PAQR3: variants seen among roughly 807,000 people sequenced by gnomAD.
PAQR3 encodes the protein progestin and adipoQ receptor family member 3.
In PAQR3, 39 loss-of-function variants were observed where a neutral mutation model predicts 41.7. That is an observed-to-expected ratio of 0.93 (90% confidence interval 0.72 to 1.22). The LOEUF is 1.22. PAQR3 is among the 50% of genes most tolerant of loss of function. The probability of loss-of-function intolerance (pLI) is 0.00; values close to 1 mark genes in which losing one functional copy is unlikely to be tolerated. For synonymous variants in PAQR3, 140 were observed against 140.6 expected (o/e 1.00, Z 0.03); for missense variants, 366 against 385.6 (o/e 0.95, Z 0.42).
chr4:78,934,277 ACT>A (rs1157928945), intron 2 of PAQR3, among the ~76,000 whole-genome samples: 1 of 152,136 alleles, frequency 6.6e-6, no homozygotes, highest in East Asian at 1.9e-4. Flanking sequence ...TAAAATGATG[ACT>A]CTCTGAAATA....
At chr4:78,891,266 T>C (rs762724283) in intron 11 of PAQR3, among the ~76,000 whole-genome samples, 1 of 152,126 alleles carries the variant, frequency 6.6e-6, no homozygotes, top group African/African-American at 2.4e-5. Flanking sequence ...TTTCTTCTTC[T>C]TCCTCTTTTT....
chr4:78,912,145 G>T lies in PAQR3; in HGVS notation c.*8394C>A. Reference sequence around the variant, plus strand: ...TTATAGCATTCATTCTTAAAGATCAGTCAGAATAGGTGATTTCTAAATAAA... The same window carrying T: ...TTATAGCATTCATTCTTAAAGATCATTCAGAATAGGTGATTTCTAAATAAA... On this transcript the variant is annotated 3_prime_UTR_variant, in exon 6 of 6. Transcript: ENST00000512733. 1 of 931,876 alleles carries T rather than the reference G, an allele frequency of 1.1e-6. No homozygotes were observed. Among genetic ancestry groups the T allele is most frequent in the Non-Finnish European group, 1.7e-6 (1 of 604,600 alleles). The allele number at this position is 931,876 out of a possible 1,614,324, so 57.7% of individuals were successfully genotyped here.
Position 78,916,981 on chromosome 4 carries a change from T to C in PAQR3, c.*3558A>G, listed in dbSNP as rs894404845. The C allele has an allele frequency of 2.0e-5, 3 of 150,422 alleles. No individual in the cohort carries two copies. Among genetic ancestry groups the C allele is most frequent in the African/African-American group, 4.9e-5 (2 of 40,854 alleles). The allele number at this position is 150,422 out of a possible 1,614,324, so 9.3% of individuals were successfully genotyped here. A position where few individuals can be genotyped will look rare whatever the true frequency, so the allele number is the denominator to read the frequency against. ...AAGTTGTAACATTTATCTAAAGTTA[T>C]GTGAAAAAAAGGGGCTTTGTATCTT... On this transcript the variant is annotated 3_prime_UTR_variant, in exon 6 of 6. Transcript: ENST00000512733.
chr4:78,907,758 A>T (rs756992220), downstream of PAQR3, among the ~76,000 whole-genome samples: 1 of 152,118 alleles, frequency 6.6e-6, no homozygotes, highest in Non-Finnish European at 1.5e-5. Flanking sequence ...GAGACCACAG[A>T]ACTGTTTGTC....
At chr4:78,888,194 T>A (rs1733207329) in intron 11 of PAQR3, 1 of 152,202 alleles carries the variant, frequency 6.6e-6, no homozygotes, top group Admixed American at 6.5e-5. Context: ...TACTCCATAT[T>A]TTTCTCTTTG....
At chr4:78,927,691 G>A (rs1252814600) in intron 3 of PAQR3, among the ~76,000 whole-genome samples, 1 of 152,178 alleles carries the variant, frequency 6.6e-6, no homozygotes, top group African/African-American at 2.4e-5. Flanking sequence ...AAGAGAACAG[G>A]GGCATGAAAG....
Position 78,918,513 on chromosome 4 carries a change from A to C in PAQR3, c.*2026T>G, listed in dbSNP as rs568605428. 25 of 965,086 alleles carry C rather than the reference A, an allele frequency of 2.6e-5. No homozygotes were observed. In the African/African-American group the frequency reaches 3.3e-4, roughly 13 times the overall value. 59.8% of individuals were successfully genotyped at this position (965,086 alleles called of 1,614,324 possible). A position where few individuals can be genotyped will look rare whatever the true frequency, so the allele number is the denominator to read the frequency against. ...GAGGATAACTTTCTTACAATATTTAACATTTTCATACAGAGTTGAAATGTT... is the reference window on the plus strand; with the variant it reads ...GAGGATAACTTTCTTACAATATTTACCATTTTCATACAGAGTTGAAATGTT... On this transcript the variant is annotated 3_prime_UTR_variant, in exon 6 of 6. Coordinates refer to ENST00000512733, the MANE Select transcript of PAQR3 (RefSeq NM_001040202.2).
rs1734942480 is a variant in PAQR3, at chr4:78,915,233, A to T, written c.*5306T>A. 6.6e-6 allele frequency: 1 copy of T among 152,014 alleles called. No homozygotes were observed. The highest frequency in any genetic ancestry group is 1.5e-5 in the Non-Finnish European group (1 of 67,916). The allele number at this position is 152,014 out of a possible 1,614,324, so 9.4% of individuals were successfully genotyped here. On this transcript the variant is annotated 3_prime_UTR_variant, in exon 6 of 6. Coordinates refer to ENST00000512733, the MANE Select transcript of PAQR3 (RefSeq NM_001040202.2). ...ACCCTGTTTATTGTTTAAGAGTGAT[A>T]GACTGTTGTCCTCTTGCTGGTGGAA...
At chr4:78,892,299 T>G (rs1386197070) in intron 11 of PAQR3, among the ~76,000 whole-genome samples, 1 of 152,212 alleles carries the variant, frequency 6.6e-6, no homozygotes, top group African/African-American at 2.4e-5. Context: ...TTTCTTACAT[T>G]GTAAATTTTG....
In PAQR3 at chr4:78,920,404, T is replaced by TC. The variant is rs61533601; in HGVS notation, c.*134dup. Reference sequence around the variant, plus strand: ...TACAGATCCTTAAGTATACTTTTTTTCCCATTTTTATAAAGCATTACTCAT... The same window carrying TC: ...TACAGATCCTTAAGTATACTTTTTTTCCCCATTTTTATAAAGCATTACTCAT... On this transcript the variant is annotated 3_prime_UTR_variant, in exon 6 of 6. Coordinates refer to ENST00000512733, the MANE Select transcript of PAQR3 (RefSeq NM_001040202.2). 3.0e-6 allele frequency: 4 copies of TC among 1,311,778 alleles called. No homozygotes were observed. The highest frequency in any genetic ancestry group is 3.3e-5 in the Admixed American group (1 of 30,374). The allele number at this position is 1,311,778 out of a possible 1,614,324, so 81.3% of individuals were successfully genotyped here. A position where few individuals can be genotyped will look rare whatever the true frequency, so the allele number is the denominator to read the frequency against.
chr4:78,921,713 T>C (rs180747216), intron 5 of PAQR3: 3 of 984,938 alleles, frequency 3.0e-6, no homozygotes, highest in African/African-American at 1.7e-5. Context: ...GAATGAAAGC[T>C]TTTAGTTTAA....
rs2110140023 is a variant in PAQR3, at chr4:78,923,858, T to C, written c.792A>G (p.Pro264=). 6.2e-7 allele frequency: 1 copy of C among 1,604,604 alleles called. No individual in the cohort carries two copies. The highest frequency in any genetic ancestry group is 8.5e-7 in the Non-Finnish European group (1 of 1,171,556). ...YISKVPERYF[P]GQLNYLGSSH... ...AACTGCTATAAAAGAGATACCTACC[T>C]GGAAAGTACCGCTCTGGGACTTTGG... is the stretch of plus-strand genomic sequence containing the variant. Residue 264 remains proline (P), a splice_region_variant and synonymous_variant, in exon 5 of 6, where the codon CCA becomes CCG. Transcript: ENST00000512733.
downstream of PAQR3, among the ~76,000 whole-genome samples, chr4:78,909,458 C>T (rs1226154437): frequency 6.6e-6 from 1 of 152,106 alleles, no homozygotes; most frequent in Non-Finnish European, 1.5e-5. Flanking sequence ...GAAATATACG[C>T]TGCTTATCAT....
At chr4:78,898,944 G>A (rs1733853132) in intron 11 of PAQR3, 1 of 152,196 alleles carries the variant, frequency 6.6e-6, no homozygotes, top group Non-Finnish European at 1.5e-5. Flanking sequence ...GGACTGCAAT[G>A]CACTATGCTG....
Position 78,923,924 on chromosome 4 carries a change from C to T in PAQR3, c.726G>A (p.Val242=). The T allele has an allele frequency of 6.2e-7, 1 of 1,613,226 alleles. No homozygotes were observed. Among genetic ancestry groups the T allele is most frequent in the Non-Finnish European group, 8.5e-7 (1 of 1,179,364 alleles). Residue 242 remains valine (V), a synonymous_variant, in exon 5 of 6, where the codon GTG becomes GTA. Transcript: ENST00000512733. ...AAGCAAGAAGAGCAATCATATACAT[C>T]ACAATTACACGGGGTGCAAAGTCCT... ...IVQDFAPRVI[V]MYMIALLAFL...
Position 78,914,955 on chromosome 4 carries a change from A to G in PAQR3, c.*5584T>C, listed in dbSNP as rs1239097234. 1 of 151,968 alleles carries G rather than the reference A, an allele frequency of 6.6e-6. No homozygotes were observed. Among genetic ancestry groups the G allele is most frequent in the Non-Finnish European group, 1.5e-5 (1 of 67,926 alleles). The allele number at this position is 151,968 out of a possible 1,614,324, so 9.4% of individuals were successfully genotyped here. On this transcript the variant is annotated 3_prime_UTR_variant, in exon 6 of 6. Coordinates refer to ENST00000512733, the MANE Select transcript of PAQR3 (RefSeq NM_001040202.2). ...AAGTGGACCATTTGCTTATTTTAATATCACGTCAGTAAAATGTTAGTATTA... is the reference window on the plus strand; with the variant it reads ...AAGTGGACCATTTGCTTATTTTAATGTCACGTCAGTAAAATGTTAGTATTA...
chr4:78,911,347 T>C, downstream of PAQR3: 1 of 1,613,710 alleles, frequency 6.2e-7, no homozygotes, highest in Non-Finnish European at 8.5e-7. Flanking sequence ...TGTATTTGGC[T>C]CCACTCCATT....
chr4:78,898,518 T>C (rs191198058), intron 11 of PAQR3, among the ~76,000 whole-genome samples: 7 of 151,112 alleles, frequency 4.6e-5, no homozygotes, highest in Non-Finnish European at 3.0e-5. Context: ...GGAAGGACTT[T>C]AAAACAGGAA....
downstream of PAQR3, among the ~76,000 whole-genome samples, chr4:78,909,055 CTTTTTTTTT>C (rs1053664659): frequency 4.0e-3 from 374 of 94,420 alleles, 2 homozygotes; most frequent in Non-Finnish European, 5.8e-3. Context: ...TTCCCTTAGT[CTTTTTTTTT>C]TTTTTTTTTT....
Sources: allele counts gnomAD v4.1 joint callset (sites outside exome capture counted in the v4.1 genomes callset), GRCh38; gene constraint gnomAD v4.1.1; transcripts MANE v1.5; gene names NCBI Gene and HGNC (gene_info 2026-07-23, HGNC 2026-07-21).